The following KIAA1217 variants were observed in gnomAD, a reference collection of about 807,000 sequenced individuals.
KIAA1217 encodes the protein KIAA1217.
In KIAA1217, 88 loss-of-function variants were observed where a neutral mutation model predicts 163.9. The ratio of observed to expected loss-of-function variants is 0.54; its 90% CI spans 0.45 to 0.64. The LOEUF is 0.64. KIAA1217 is among the 30% of genes least tolerant of loss of function. The pLI, the probability that KIAA1217 is intolerant of heterozygous loss-of-function variation, is 0.00. For missense variants in KIAA1217, 2,372 were observed against 2,475.0 expected (o/e 0.96, Z 0.88); for synonymous variants, 903 against 923.1 (o/e 0.98, Z 0.39).
intron 1 of KIAA1217, among the ~76,000 whole-genome samples, chr10:23,923,278 G>C (rs947144613): frequency 6.6e-6 from 1 of 152,128 alleles, no homozygotes; most frequent in Non-Finnish European, 1.5e-5. Flanking sequence ...CCATATTTTT[G>C]CAATTGCAAA....
At chr10:24,315,989 A>G (rs764146064) in intron 2 of KIAA1217, among the ~76,000 whole-genome samples, 1 of 151,896 alleles carries the variant, frequency 6.6e-6, no homozygotes, top group South Asian at 2.1e-4. Context: ...TATAAAGGGT[A>G]GTTCCCTGCT....
chr10:24,211,756 G>T (rs1247591685), intron 1 of KIAA1217, among the ~76,000 whole-genome samples: 1 of 151,864 alleles, frequency 6.6e-6, no homozygotes, highest in African/African-American at 2.4e-5. Context: ...AGTCAAGGAG[G>T]CAAGAACCAG....
intron 2 of KIAA1217, among the ~76,000 whole-genome samples, chr10:24,312,874 C>T (rs890834542): frequency 1.3e-5 from 2 of 152,082 alleles, no homozygotes; most frequent in Non-Finnish European, 2.9e-5. Flanking sequence ...CTTGATTGTG[C>T]CACTGCAATC....
Position 23,917,501 on chromosome 10 carries a change from G to A in KIAA1217, c.-320-89724G>A, listed in dbSNP as rs148435436. 5.6e-3 allele frequency among the ~76,000 whole-genome samples: 859 copies of A among 152,356 alleles called. 11 individuals carry two copies. Among genetic ancestry groups the A allele is most frequent in the African/African-American group, 0.018 (765 of 41,590 alleles). On this transcript the variant is annotated intron_variant, in intron 1 of 18. Transcript: ENST00000376462. ...ATGGAGACTCTGGACTGATGTGGGA[G>A]CAGCGGCCACAGAGGAAGAGGTGGT... is the stretch of plus-strand genomic sequence containing the variant.
At chr10:24,040,787 A>C (rs1486128226) in intron 2 of KIAA1217, among the ~76,000 whole-genome samples, 1 of 152,178 alleles carries the variant, frequency 6.6e-6, no homozygotes, top group African/African-American at 2.4e-5. Context: ...GCTGTGCTAG[A>C]CCTGTTAGGA....
chr10:23,849,121 T>A (rs1243212709), intron 1 of KIAA1217, among the ~76,000 whole-genome samples: 2 of 152,122 alleles, frequency 1.3e-5, no homozygotes, highest in Non-Finnish European at 2.9e-5. Flanking sequence ...ATACAATTCT[T>A]CATAATTAGC....
At chr10:23,696,045 G>T (rs1836014887) in intron 1 of KIAA1217, among the ~76,000 whole-genome samples, 1 of 152,286 alleles carries the variant, frequency 6.6e-6, no homozygotes, top group Non-Finnish European at 1.5e-5. Context: ...CTTCGAGGGC[G>T]GGCGAGACCC....
chr10:23,724,886 A>G (rs562341530), intron 1 of KIAA1217, among the ~76,000 whole-genome samples: 2 of 152,260 alleles, frequency 1.3e-5, no homozygotes, highest in South Asian at 4.1e-4. Flanking sequence ...TTGCCTTCAT[A>G]TTATCCCATT....
At chr10:23,836,103 G>T (rs1838435004) in intron 1 of KIAA1217, among the ~76,000 whole-genome samples, 2 of 152,048 alleles carry the variant, frequency 1.3e-5, no homozygotes, top group Admixed American at 6.6e-5. Flanking sequence ...TTCAAATGTT[G>T]CTTTAGTAGT....
intron 4 of KIAA1217, among the ~76,000 whole-genome samples, chr10:24,434,023 CTCTTTTTT>C (rs2059813866): frequency 1.7e-5 from 2 of 114,420 alleles, no homozygotes; most frequent in African/African-American, 7.1e-5. Context: ...CTCTCTCTCT[CTCTTTTTT>C]TTTTTTTTTT....
rs578113978 is a variant in KIAA1217 at position 23,788,876 on chromosome 10, T to G, written c.-321+93642T>G. On this transcript the variant is annotated intron_variant, in intron 1 of 18. Transcript: ENST00000376462. ...TTAGATGAAGCCAAGTGACTTGTTA[T>G]TACTATTACCAATGTCCTTTTAATT... Among the ~76,000 whole-genome samples the G allele has an allele frequency of 1.3e-5, 2 of 152,338 alleles. 1 individual carries two copies. The highest frequency in any genetic ancestry group is 3.9e-4 in the East Asian group (2 of 5,176).
intron 2 of KIAA1217, among the ~76,000 whole-genome samples, chr10:24,166,596 G>T (rs1244319248): frequency 6.6e-6 from 1 of 152,028 alleles, no homozygotes; most frequent in East Asian, 1.9e-4. Context: ...CAATTAACTA[G>T]GCGTAATGGG....
intron 2 of KIAA1217, among the ~76,000 whole-genome samples, chr10:24,195,418 G>T (rs1589855984): frequency 6.6e-6 from 1 of 152,146 alleles, no homozygotes; most frequent in Non-Finnish European, 1.5e-5. Context: ...TCTGCAGGTT[G>T]CCCAAGACAA....
chr10:24,109,228 C>T (rs540454323), intron 2 of KIAA1217, among the ~76,000 whole-genome samples: 2 of 152,270 alleles, frequency 1.3e-5, no homozygotes, highest in South Asian at 2.1e-4. Flanking sequence ...AACAAACAAA[C>T]GATGCCACTA....
chr10:24,283,928 G>C (rs1426976627), intron 2 of KIAA1217, among the ~76,000 whole-genome samples: 1 of 144,224 alleles, frequency 6.9e-6, no homozygotes, highest in Non-Finnish European at 1.5e-5. Context: ...TTATGTTTTT[G>C]AGACGGAGTC....
At chr10:24,229,885 T>C (rs962095049) in intron 2 of KIAA1217, among the ~76,000 whole-genome samples, 1 of 152,140 alleles carries the variant, frequency 6.6e-6, no homozygotes, top group Admixed American at 6.6e-5. Flanking sequence ...TCTAGTATAC[T>C]GTGTGCACAG....
intron 2 of KIAA1217, among the ~76,000 whole-genome samples, chr10:24,311,210 C>T (rs2042649547): frequency 6.6e-6 from 1 of 152,172 alleles, no homozygotes; most frequent in Admixed American, 6.5e-5. Flanking sequence ...GATGCAACCT[C>T]AGGATCGGAC....
chr10:24,424,665 A>G (rs1268347920), intron 3 of KIAA1217, among the ~76,000 whole-genome samples: 1 of 152,124 alleles, frequency 6.6e-6, no homozygotes, highest in African/African-American at 2.4e-5. Flanking sequence ...GTGCAGTGGC[A>G]TGATCTTGGC....
At chr10:23,866,191 T>C (rs1840174343) in intron 1 of KIAA1217, among the ~76,000 whole-genome samples, 1 of 152,130 alleles carries the variant, frequency 6.6e-6, no homozygotes, top group Admixed American at 6.5e-5. Context: ...CATTCTATGA[T>C]GTGTGATGTC....
Sources: allele counts gnomAD v4.1 joint callset (sites outside exome capture counted in the v4.1 genomes callset), GRCh38; gene constraint gnomAD v4.1.1; transcripts MANE v1.5; gene names NCBI Gene and HGNC (gene_info 2026-07-23, HGNC 2026-07-21).